The following DHX34 variants were observed in gnomAD, a reference collection of about 807,000 sequenced individuals.
The protein encoded by DHX34 is DExH-box helicase 34, also known as probable ATP-dependent RNA helicase DHX34.
In DHX34, 96 loss-of-function variants were observed where a neutral mutation model predicts 111.1. The observed-to-expected ratio is 0.86, with a 90% confidence interval of 0.73 to 1.02. DHX34 has a LOEUF of 1.02. DHX34 is among the 50% of genes least tolerant of loss of function. The pLI is 0.00. For synonymous variants in DHX34, 688 were observed against 670.4 expected (o/e 1.03, Z -0.41); for missense variants, 1,560 against 1,579.9 (o/e 0.99, Z 0.21).
In DHX34 at chr19:47,379,793, A is replaced by C; in HGVS notation, c.2790A>C (p.Leu930=). 1 of 1,613,670 alleles carries C rather than the reference A, an allele frequency of 6.2e-7. No individual in the cohort carries two copies. Among genetic ancestry groups the C allele is most frequent in the Non-Finnish European group, 8.5e-7 (1 of 1,179,716 alleles). The change falls in exon 14 of 17, where the codon CTA becomes CTC. Residue 930 remains leucine, a synonymous_variant. Transcript: ENST00000328771. ...LVADGWLELQ[L]ADSESAIRLL... is the part of the protein sequence containing the mutation. The stretch of plus-strand genomic sequence containing the variant: ...CCGATGGCTGGCTGGAGCTGCAGCT[A>C]GCAGACAGTGAAAGTGCCATCCGAC...
Position 47,380,836 on chromosome 19 carries a change from G to T in DHX34, c.3003G>T (p.Arg1001=), listed in dbSNP as rs138459267. The part of the protein sequence containing the change: ...TASKIPYSLR[R]LTGLEVQNMY... ...CTTAGATTCCTTACAGCCTCCGGCGGCTCACAGGGCTAGAAGTCCAGAACA... is the reference window on the plus strand; with the variant it reads ...CTTAGATTCCTTACAGCCTCCGGCGTCTCACAGGGCTAGAAGTCCAGAACA... The change falls in exon 15 of 17, where the codon CGG becomes CGT. Residue 1001 remains arginine (R), a synonymous_variant. Transcript: ENST00000328771. The T allele has an allele frequency of 5.1e-4, 829 of 1,613,890 alleles. 10 individuals carry two copies. Among genetic ancestry groups the T allele is most frequent in the South Asian group, 4.0e-3 (368 of 91,078 alleles).
rs779953729 is a variant in DHX34, at chr19:47,366,989, C to T, written c.1602C>T (p.Ser534=). 9.0e-6 allele frequency: 14 copies of T among 1,553,524 alleles called. No individual in the cohort carries two copies. In the Admixed American group the frequency reaches 2.7e-4, roughly 30 times the overall value. ...TTTGCTTCTCATTCTAGATGAAGAG[C>T]ATGAGTGTGGGGGACCCCCGAACCT... ...ALDSLVLQMK[S]MSVGDPRTFP... The change falls in exon 7 of 17, where the codon AGC becomes AGT. Residue 534 remains serine, a synonymous_variant. Coordinates refer to ENST00000328771, the MANE Select transcript of DHX34 (RefSeq NM_014681.6).
At chr19:47,371,405 C>T (rs1969961301) in intron 7 of DHX34, among the ~76,000 whole-genome samples, 1 of 152,212 alleles carries the variant, frequency 6.6e-6, no homozygotes, top group South Asian at 2.1e-4. Flanking sequence ...AAACACAAAG[C>T]ATCCTCTTGG....
intron 13 of DHX34, among the ~76,000 whole-genome samples, chr19:47,378,991 G>T (rs1970259783): frequency 7.0e-6 from 1 of 142,134 alleles, no homozygotes; most frequent in Non-Finnish European, 1.5e-5. Flanking sequence ...TTAGCCGGGT[G>T]GGTGGCGCGT....
At chr19:47,362,998 T>C (rs972380603) in intron 6 of DHX34, among the ~76,000 whole-genome samples, 1 of 152,146 alleles carries the variant, frequency 6.6e-6, no homozygotes, top group Non-Finnish European at 1.5e-5. Flanking sequence ...TCGCCCATGC[T>C]GGAGTGCAGT....
chr19:47,376,296 G>C, intron 11 of DHX34, 147 bp from the exon 12 acceptor site: 1 of 1,497,762 alleles, frequency 6.7e-7, no homozygotes, highest in Non-Finnish European at 8.9e-7. Flanking sequence ...CACTATAGGA[G>C]CCCACAGGGG....
Position 47,353,744 on chromosome 19 carries a change from G to T in DHX34, c.705+9G>T. ...GTCAGTATGGCTCACAGGTGAGTGG[G>T]ACGCACCAGGTTTCCGATTTTTCCA... On this transcript the variant is annotated intron_variant, in intron 2 of 16. Transcript: ENST00000328771. The surrounding 1 kb of genome is among the most constrained non-coding windows in gnomAD (Gnocchi z 4.6). The T allele has an allele frequency of 1.3e-6, 2 of 1,548,470 alleles. No homozygotes were observed. The highest frequency in any genetic ancestry group is 1.2e-5 in the South Asian group (1 of 84,286).
At chr19:47,376,926 TGC>T in intron 12 of DHX34, 172 bp from the exon 13 acceptor site, 1 of 1,536,636 alleles carries the variant, frequency 6.5e-7, no homozygotes, top group South Asian at 1.2e-5. Context: ...CATGGCTGCG[TGC>T]TGGGAGTCAC....
rs757965971 is a variant in DHX34, at chr19:47,357,994, C to T, written c.1146C>T (p.Leu382=). 2.9e-5 allele frequency: 47 copies of T among 1,613,800 alleles called. No homozygotes were observed. The East Asian group carries it at 6.7e-4, about 23-fold the overall frequency. ...CGCCTGAGGAGCGGGGTGACCTCCT[C>T]GTCTTCCTCAGCGGCATGGCGGAGA... ...KYPPEERGDL[L]VFLSGMAEIS... The change falls in exon 4 of 17, where the codon CTC becomes CTT. Residue 382 remains leucine, a synonymous_variant. Coordinates refer to ENST00000328771, the MANE Select transcript of DHX34 (RefSeq NM_014681.6).
Position 47,376,483 on chromosome 19 carries a change from C to A in DHX34, c.2522C>A (p.Pro841His), listed in dbSNP as rs773420184. 3 of 1,610,050 alleles carry A rather than the reference C, an allele frequency of 1.9e-6. No individual in the cohort carries two copies. The highest frequency in any genetic ancestry group is 1.7e-5 in the Admixed American group (1 of 59,608). Reference protein sequence around the residue: ...TQAKQGAVLHPTCVFAGSPEV... With the variant: ...TQAKQGAVLHHTCVFAGSPEV... Reference sequence around the variant, plus strand: ...GCCAAGCAGGGCGCCGTGCTGCACCCCACCTGCGTCTTCGCTGGCAGCCCC... The same window carrying A: ...GCCAAGCAGGGCGCCGTGCTGCACCACACCTGCGTCTTCGCTGGCAGCCCC... Residue 841 changes from proline to histidine, a missense_variant, in exon 12 of 17, where the codon CCC becomes CAC. By Grantham distance (77) the Pro-to-His change is moderately conservative (BLOSUM62 -2). Transcript: ENST00000328771.
At position 47,373,834 on chromosome 19, in the gene DHX34, C is replaced by T. The variant is rs568072515; in HGVS notation, c.2064+134C>T. The T allele has an allele frequency of 1.6e-4, 189 of 1,160,184 alleles. 1 individual carries two copies. The highest frequency in any genetic ancestry group is 3.5e-4 in the Admixed American group (14 of 39,892). 71.9% of individuals were successfully genotyped at this position (1,160,184 alleles called of 1,614,324 possible). On this transcript the variant is annotated intron_variant, in intron 9 of 16. Transcript: ENST00000328771. ...CCCTGCACCCACCTCCCCCACCACC[C>T]GGTGACCAGGTGTTGGGGCAGCTGG... is the stretch of plus-strand genomic sequence containing the variant.
intron 6 of DHX34, among the ~76,000 whole-genome samples, chr19:47,365,182 C>G (rs1288213295): frequency 2.0e-5 from 3 of 151,928 alleles, no homozygotes; most frequent in African/African-American, 4.8e-5. Flanking sequence ...TTAAAAAAAC[C>G]CCAGGCCCTG....
chr19:47,372,671 G>T, intron 7 of DHX34, 59 bp from the exon 8 acceptor site: 1 of 1,494,764 alleles, frequency 6.7e-7, no homozygotes, highest in Non-Finnish European at 8.9e-7. Flanking sequence ...GGCCCCGAGG[G>T]GTGAGGGCTG....
In DHX34 at chr19:47,359,953, C is replaced by G. The variant is rs200888448; in HGVS notation, c.1273-15C>G. On this transcript the variant is annotated splice_polypyrimidine_tract_variant and intron_variant, in intron 4 of 16. Transcript: ENST00000328771. ...CTGAGTTAGTTCCTGACACCACCCC[C>G]TCCCTTCCTCCCAGGTATTTGATGT... 96 of 1,614,048 alleles carry G rather than the reference C, an allele frequency of 5.9e-5. No homozygotes were observed. The East Asian group carries it at 1.1e-3, about 18-fold the overall frequency.
chr19:47,357,456 C>T (rs1473527727), intron 3 of DHX34, among the ~76,000 whole-genome samples: 1 of 152,010 alleles, frequency 6.6e-6, no homozygotes, highest in African/African-American at 2.4e-5. Flanking sequence ...GACTGTTTCT[C>T]AATTAGGGGT....
chr19:47,355,518 G>C (rs1271202839), intron 3 of DHX34, among the ~76,000 whole-genome samples, 168 bp downstream of exon 3: 2 of 152,092 alleles, frequency 1.3e-5, no homozygotes, highest in Non-Finnish European at 2.9e-5. Context: ...GCTGGTTAGA[G>C]TGCTAAGTGC....
chr19:47,356,627 CAAAA>C (rs529660294), intron 3 of DHX34, among the ~76,000 whole-genome samples: 5 of 94,492 alleles, frequency 5.3e-5, no homozygotes, highest in Admixed American at 4.7e-4. Context: ...GATCCCATCT[CAAAA>C]AAAAAAAAAA....
chr19:47,382,085 T>G lies in DHX34; in HGVS notation c.3404T>G (p.Val1135Gly). 6.2e-7 allele frequency: 1 copy of G among 1,613,862 alleles called. No homozygotes were observed. The highest frequency in any genetic ancestry group is 1.3e-5 in the African/African-American group (1 of 74,970). The change falls in exon 17 of 17, where the codon GTG (valine) becomes GGG (glycine). Residue 1135 changes from valine to glycine, a missense_variant. Physicochemically the swap from Val to Gly is moderately radical, Grantham distance 109 (BLOSUM62 -3). Transcript: ENST00000328771. ...GKDFLFTPTE[V>G]LRHRKQHV ...GACTTCCTCTTTACACCCACAGAGG[T>G]GCTGCGCCACCGGAAGCAGCACGTG... is the stretch of plus-strand genomic sequence containing the variant.
chr19:47,376,988 C>G (rs1568406535), intron 12 of DHX34, 112 bp from the exon 13 acceptor site: 1 of 1,568,692 alleles, frequency 6.4e-7, no homozygotes, highest in Admixed American at 1.9e-5. Flanking sequence ...CAAAGCCATG[C>G]CGTAAGCATA....
Sources: allele counts gnomAD v4.1 joint callset (sites outside exome capture counted in the v4.1 genomes callset), GRCh38; gene constraint gnomAD v4.1.1; non-coding constraint Gnocchi (gnomAD v3.1); transcripts MANE v1.5; gene names NCBI Gene and HGNC (gene_info 2026-07-23, HGNC 2026-07-21).